Variants in PLEKHA2 observed in about 807,000 individuals in gnomAD.
PLEKHA2 encodes the protein pleckstrin homology domain containing A2, also known as pleckstrin homology domain-containing family A member 2.
Under a neutral mutation model 53.2 loss-of-function variants are expected in PLEKHA2, and 28 were observed. The observed-to-expected ratio is 0.53, with a 90% CI of 0.39 to 0.72. PLEKHA2 has a LOEUF of 0.72. PLEKHA2 is among the 30% of genes least tolerant of loss of function. The pLI, the probability that PLEKHA2 is intolerant of heterozygous loss-of-function variation, is 0.00. For synonymous variants in PLEKHA2, 193 were observed against 196.4 expected (o/e 0.98, Z 0.14); for missense variants, 426 against 537.9 (o/e 0.79, Z 2.06).
intron 10 of PLEKHA2, among the ~76,000 whole-genome samples, chr8:38,963,055 T>C (rs1835067786): frequency 6.6e-6 from 1 of 152,232 alleles, no homozygotes; most frequent in African/African-American, 2.4e-5. Context: ...GAAGTAGATA[T>C]GGAAGCCTTT....
intron 2 of PLEKHA2, 89 bp downstream of exon 2, chr8:38,918,159 C>T: frequency 6.8e-7 from 1 of 1,476,574 alleles, no homozygotes; most frequent in Non-Finnish European, 9.1e-7. Flanking sequence ...CAGGCCTAGG[C>T]TCGTGAGCAA....
intron 2 of PLEKHA2, among the ~76,000 whole-genome samples, chr8:38,925,032 A>T (rs545819705): frequency 6.6e-6 from 1 of 150,516 alleles, no homozygotes; most frequent in Admixed American, 6.6e-5. Context: ...AAATTATAGT[A>T]AGGATGTTCA....
chr8:38,957,841 T>C (rs987994066), intron 10 of PLEKHA2, among the ~76,000 whole-genome samples: 1 of 152,198 alleles, frequency 6.6e-6, no homozygotes, highest in South Asian at 2.1e-4. Context: ...GGTTCACTTA[T>C]CAGGAGCTTC....
At chr8:38,903,624 C>A (rs1001105983) in intron 1 of PLEKHA2, among the ~76,000 whole-genome samples, 4 of 152,258 alleles carry the variant, frequency 2.6e-5, no homozygotes, top group African/African-American at 9.6e-5. Flanking sequence ...ACTACCTTGC[C>A]AAGTGTTTGC....
At chr8:38,953,273 C>T (rs1446144006) in intron 8 of PLEKHA2, 24 bp from the exon 9 acceptor site, 2 of 1,586,828 alleles carry the variant, frequency 1.3e-6, no homozygotes, top group Non-Finnish European at 1.7e-6. Context: ...CCTCACTTAC[C>T]TGTCTTTCTG....
At chr8:38,946,032 C>T in intron 4 of PLEKHA2, 92 bp from the exon 5 acceptor site, 2 of 982,312 alleles carry the variant, frequency 2.0e-6, no homozygotes, top group Admixed American at 2.1e-5. Context: ...ACTCATCTCA[C>T]TCCCTCAAAC....
intron 6 of PLEKHA2, among the ~76,000 whole-genome samples, chr8:38,951,240 G>A (rs528692098): frequency 1.4e-4 from 21 of 152,238 alleles, no homozygotes; most frequent in Admixed American, 8.5e-4. Flanking sequence ...TGCCGAACAC[G>A]GGAGACACAG....
intron 1 of PLEKHA2, among the ~76,000 whole-genome samples, chr8:38,903,008 C>G (rs1176522105): frequency 6.6e-6 from 1 of 152,208 alleles, no homozygotes; most frequent in Non-Finnish European, 1.5e-5. Context: ...TAGATTATGG[C>G]CAGCCCAACG....
At chr8:38,943,132 C>G (rs1834643040) in intron 3 of PLEKHA2, among the ~76,000 whole-genome samples, 1 of 152,046 alleles carries the variant, frequency 6.6e-6, no homozygotes, top group South Asian at 2.1e-4. Context: ...GGAGGGGAAT[C>G]TTGCTAGTGT....
intron 9 of PLEKHA2, 105 bp downstream of exon 9, chr8:38,953,472 A>G: frequency 8.5e-7 from 1 of 1,170,066 alleles, no homozygotes; most frequent in South Asian, 1.3e-5. Context: ...TCTTCTTCCA[A>G]GAGCCAGGCA....
intron 1 of PLEKHA2, among the ~76,000 whole-genome samples, chr8:38,903,178 T>G (rs1833819192): frequency 6.6e-6 from 1 of 152,244 alleles, no homozygotes; most frequent in African/African-American, 2.4e-5. Context: ...ATGGGAGTTA[T>G]TAGTCCGGAT....
In PLEKHA2 at chr8:38,972,857, C is replaced by G. The variant is rs1375741182; in HGVS notation, c.*3074C>G. 1 of 151,786 alleles carries G rather than the reference C, an allele frequency of 6.6e-6. No homozygotes were observed. The highest frequency in any genetic ancestry group is 1.5e-5 in the Non-Finnish European group (1 of 67,968). The allele number at this position is 151,786 out of a possible 1,614,324, so 9.4% of individuals were successfully genotyped here. ...CCTGAGTTGTGCTATTTTCATAAGG[C>G]TTTTGAAGTGGTCTTGACCCACTGT... On this transcript the variant is annotated 3_prime_UTR_variant, in exon 12 of 12. Transcript: ENST00000617275.
Position 38,960,304 on chromosome 8 carries a change from A to G in PLEKHA2, c.837+2918A>G, listed in dbSNP as rs534522668. Among the ~76,000 whole-genome samples, 98 of 152,310 alleles carry G rather than the reference A, an allele frequency of 6.4e-4. 1 individual carries two copies. Among genetic ancestry groups the G allele is most frequent in the South Asian group, 4.1e-3 (20 of 4,828 alleles). On this transcript the variant is annotated intron_variant, in intron 10 of 11. Coordinates refer to ENST00000617275, the MANE Select transcript of PLEKHA2 (RefSeq NM_021623.2). ...AGATTAAAAATCACTTAAAATATTT[A>G]TCAATTCATTAAAAATAGCAACTAT...
intron 2 of PLEKHA2, among the ~76,000 whole-genome samples, chr8:38,918,905 C>G (rs7829336): frequency 0.87 from 132,770 of 152,260 alleles, 58,448 homozygotes; most frequent in African/African-American, 0.97. Context: ...CACACGCAGA[C>G]ACCAGCCAGG....
intron 5 of PLEKHA2, among the ~76,000 whole-genome samples, chr8:38,950,334 C>T (rs1333015930): frequency 6.6e-6 from 1 of 152,102 alleles, no homozygotes; most frequent in Non-Finnish European, 1.5e-5. Flanking sequence ...GGACCTGGCC[C>T]CCATCTCCTG....
chr8:38,933,593 C>T (rs1834433062), intron 2 of PLEKHA2, among the ~76,000 whole-genome samples: 1 of 151,504 alleles, frequency 6.6e-6, no homozygotes, highest in African/African-American at 2.4e-5. Flanking sequence ...TTCCTGTGTC[C>T]CTGGAGCCCG....
chr8:38,903,603 G>A (rs1833826074), intron 1 of PLEKHA2, among the ~76,000 whole-genome samples: 1 of 152,184 alleles, frequency 6.6e-6, no homozygotes, highest in South Asian at 2.1e-4. Flanking sequence ...GAGCCCCAGA[G>A]CAGCCCTCCC....
At chr8:38,920,023 G>A (rs1194242710) in intron 2 of PLEKHA2, among the ~76,000 whole-genome samples, 1 of 152,114 alleles carries the variant, frequency 6.6e-6, no homozygotes, top group Non-Finnish European at 1.5e-5. Context: ...CCAGGCTGGA[G>A]TGCAGTGGCA....
intron 2 of PLEKHA2, among the ~76,000 whole-genome samples, chr8:38,925,926 C>T (rs1406269974): frequency 6.6e-6 from 1 of 152,138 alleles, no homozygotes; most frequent in Admixed American, 6.5e-5. Context: ...TGCCAAGAAC[C>T]AGGAAATAAT....
Sources: gnomAD v4.1 joint callset for allele counts (sites outside exome capture counted in the v4.1 genomes callset) on GRCh38, gnomAD v4.1.1 for gene constraint, MANE v1.5 for transcripts, NCBI Gene and HGNC (gene_info 2026-07-23, HGNC 2026-07-21) for gene names.